DMRT1: variants seen among roughly 807,000 people sequenced by gnomAD.
DMRT1 encodes doublesex and mab-3 related transcription factor 1.
A neutral mutation model predicts 32.3 loss-of-function variants in DMRT1; 7 were observed. The observed-to-expected ratio is 0.22, with a 90% CI of 0.12 to 0.41. DMRT1 has a LOEUF of 0.41. Among genes scored for constraint, DMRT1 ranks in the 10% least tolerant of loss-of-function variants. DMRT1 has a pLI of 1.00. For missense variants in DMRT1, 625 were observed against 500.5 expected, an observed-to-expected ratio of 1.25 and a Z score of -2.37; for synonymous variants, 278 against 206.1, an observed-to-expected ratio of 1.35 and a Z score of -2.99.
At chr9:937,050 T>C (rs1240269676) in intron 4 of DMRT1, among the ~76,000 whole-genome samples, 1 of 152,230 alleles carries the variant, frequency 6.6e-6, no homozygotes, top group Non-Finnish European at 1.5e-5. Context: ...TTTCCATCTT[T>C]ATGAATTTGC....
intron 4 of DMRT1, among the ~76,000 whole-genome samples, chr9:930,956 A>C (rs947224126): frequency 1.4e-4 from 22 of 152,352 alleles, no homozygotes; most frequent in Admixed American, 4.6e-4. Context: ...TGGAACCATC[A>C]CTGCTATCTA....
intron 2 of DMRT1, among the ~76,000 whole-genome samples, chr9:866,725 T>C (rs4742516): frequency 0.51 from 77,627 of 151,964 alleles, 20,257 homozygotes; most frequent in East Asian, 0.61. Context: ...GTTTGAGATG[T>C]GTGTGAGACT....
chr9:921,027 C>G (rs1308211273), intron 4 of DMRT1, among the ~76,000 whole-genome samples: 2 of 152,106 alleles, frequency 1.3e-5, no homozygotes, highest in Admixed American at 6.5e-5. Flanking sequence ...GAGGTAGAAT[C>G]CACCTAACAT....
At chr9:857,268 C>G (rs544740251) in intron 2 of DMRT1, among the ~76,000 whole-genome samples, 2 of 152,076 alleles carry the variant, frequency 1.3e-5, no homozygotes, top group Non-Finnish European at 2.9e-5. Context: ...GATTGCTCCA[C>G]TGCACTCCAG....
At chr9:874,517 G>C (rs1816410780) in intron 2 of DMRT1, among the ~76,000 whole-genome samples, 2 of 152,222 alleles carry the variant, frequency 1.3e-5, no homozygotes, top group African/African-American at 4.8e-5. Flanking sequence ...TTAAATACAT[G>C]TCTGTGCATG....
chr9:861,304 C>G (rs1241539116), intron 2 of DMRT1, among the ~76,000 whole-genome samples: 7 of 152,070 alleles, frequency 4.6e-5, no homozygotes, highest in Non-Finnish European at 7.4e-5. Flanking sequence ...ATCTGTTTAA[C>G]AAAGCACAGT....
rs895868062 is a variant in DMRT1, at chr9:846,268, G to T, written c.355-692G>T. ...GGCCGATCTCGAACTCCTGACCTCC[G>T]GTGATCGGCCCACCTCTGCCTCCCA... On this transcript the variant is annotated intron_variant, in intron 1 of 4. Coordinates refer to ENST00000382276, the MANE Select transcript of DMRT1 (RefSeq NM_021951.3). 2.6e-5 allele frequency among the ~76,000 whole-genome samples: 4 copies of T among 151,982 alleles called. No individual in the cohort carries two copies. The South Asian group carries it at 8.3e-4, about 32-fold the overall frequency.
intron 4 of DMRT1, among the ~76,000 whole-genome samples, chr9:949,183 G>A (rs1342914139): frequency 6.6e-6 from 1 of 151,920 alleles, no homozygotes; most frequent in Non-Finnish European, 1.5e-5. Flanking sequence ...GATCAGCCTG[G>A]GCAACAAAGC....
At chr9:906,769 AAGT>A (rs147580340) in intron 3 of DMRT1, among the ~76,000 whole-genome samples, 1 of 152,350 alleles carries the variant, frequency 6.6e-6, no homozygotes, top group Non-Finnish European at 1.5e-5. Flanking sequence ...AAAGGCAGCA[AAGT>A]AGGTCTTTAT....
At chr9:863,774 T>C (rs1005428651) in intron 2 of DMRT1, among the ~76,000 whole-genome samples, 3 of 152,242 alleles carry the variant, frequency 2.0e-5, no homozygotes, top group Admixed American at 2.0e-4. Context: ...GCAACTGGTA[T>C]AGTTTATAAT....
intron 4 of DMRT1, among the ~76,000 whole-genome samples, chr9:945,145 GTCTT>G (rs765703353): frequency 1.4e-4 from 21 of 152,016 alleles, no homozygotes; most frequent in African/African-American, 2.7e-4. Context: ...TAATGTTTTT[GTCTT>G]TCTTTCTTTC....
At chr9:865,533 T>G (rs1325102814) in intron 2 of DMRT1, among the ~76,000 whole-genome samples, 3 of 152,194 alleles carry the variant, frequency 2.0e-5, no homozygotes, top group Non-Finnish European at 4.4e-5. Flanking sequence ...GAACAAGTCA[T>G]AGAGCTCACA....
Position 874,900 on chromosome 9 carries a change from C to T in DMRT1, c.539-19012C>T, listed in dbSNP as rs527299306. On this transcript the variant is annotated intron_variant, in intron 2 of 4. Coordinates refer to ENST00000382276, the MANE Select transcript of DMRT1 (RefSeq NM_021951.3). ...TCACTTCACTGCAAGCTCCACCTCC[C>T]GGGTTCATGCCATTCTCTTGCCTCA... 5.3e-4 allele frequency among the ~76,000 whole-genome samples: 79 copies of T among 150,310 alleles called. 1 individual carries two copies. The highest frequency in any genetic ancestry group is 1.5e-3 in the African/African-American group (60 of 40,692).
intron 2 of DMRT1, among the ~76,000 whole-genome samples, chr9:882,764 T>TC (rs1416176827): frequency 6.8e-6 from 1 of 147,712 alleles, no homozygotes; most frequent in Non-Finnish European, 1.5e-5. Context: ...CTGAATCTTT[T>TC]TTTTTTTTTT....
intron 3 of DMRT1, among the ~76,000 whole-genome samples, chr9:899,587 G>A (rs1367975563): frequency 6.6e-6 from 1 of 152,174 alleles, no homozygotes; most frequent in African/African-American, 2.4e-5. Flanking sequence ...TGTGAAACAG[G>A]AATAACATTT....
rs1819909892 is a variant in DMRT1 at position 965,675 on chromosome 9, T to C, written c.968-2310T>C. 6.6e-6 allele frequency among the ~76,000 whole-genome samples: 1 copy of C among 152,210 alleles called. No individual in the cohort carries two copies. The highest frequency in any genetic ancestry group is 1.5e-5 in the Non-Finnish European group (1 of 68,046). On this transcript the variant is annotated intron_variant, in intron 4 of 4. Coordinates refer to ENST00000382276, the MANE Select transcript of DMRT1 (RefSeq NM_021951.3). This position sits in a 1 kb window ranked among gnomAD's most constrained non-coding sequence, Gnocchi z 4.5. ...ACATGTTGGGAGAACACATACCTAT[T>C]CCTTTACAAGCCTCTGCATCAGCTT...
intron 4 of DMRT1, among the ~76,000 whole-genome samples, chr9:947,494 T>G (rs1819284443): frequency 6.6e-6 from 1 of 152,252 alleles, no homozygotes; most frequent in Admixed American, 6.5e-5. Flanking sequence ...TTGTACTCCA[T>G]TTATTCTGAC....
chr9:894,025 C>G lies in DMRT1; in HGVS notation c.652C>G (p.Leu218Val), dbSNP rs1446936557. 1 of 1,614,158 alleles carries G rather than the reference C, an allele frequency of 6.2e-7. No homozygotes were observed. Among genetic ancestry groups the G allele is most frequent in the Non-Finnish European group, 8.5e-7 (1 of 1,180,056 alleles). The change falls in exon 3 of 5, where the codon CTG becomes GTG. Residue 218 changes from leucine (L) to valine (V), a missense_variant. By Grantham distance (32) the Leu-to-Val change is conservative. Coordinates refer to ENST00000382276, the MANE Select transcript of DMRT1 (RefSeq NM_021951.3). ...TYYSSFYQPS[L>V]FPYYNNLYNC... ...CTACAGCAGCTTCTACCAGCCGTCTCTGTTTCCTTATTACAACAATCTATA... is the reference window on the plus strand; with the variant it reads ...CTACAGCAGCTTCTACCAGCCGTCTGTGTTTCCTTATTACAACAATCTATA...
chr9:885,408 T>C (rs1816887468), intron 2 of DMRT1, among the ~76,000 whole-genome samples: 1 of 152,176 alleles, frequency 6.6e-6, no homozygotes, highest in Non-Finnish European at 1.5e-5. Flanking sequence ...TCTCAGCAGA[T>C]AGGGGAGTCA....
Sources: allele counts gnomAD v4.1 joint callset (sites outside exome capture counted in the v4.1 genomes callset), GRCh38; gene constraint gnomAD v4.1.1; non-coding constraint Gnocchi (gnomAD v3.1); transcripts MANE v1.5; gene names NCBI Gene and HGNC (gene_info 2026-07-23, HGNC 2026-07-21).